SVIL: variants seen among roughly 807,000 people sequenced by gnomAD.
SVIL encodes the protein archvillin.
SVIL carries 101 observed loss-of-function variants against 240.4 expected under a neutral mutation model. That is an observed-to-expected ratio of 0.42 (90% CI 0.36 to 0.50). The LOEUF is 0.50. SVIL is among the 20% of genes least tolerant of loss of function. The pLI is 0.01. For missense variants in SVIL, 2,512 were observed against 2,818.7 expected (o/e 0.89, Z 2.46); for synonymous variants, 999 against 1,100.0 (o/e 0.91, Z 1.82).
Position 29,486,548 on chromosome 10 carries a change from G to C in SVIL, c.4495C>G (p.Leu1499Val). 1 of 1,614,144 alleles carries C rather than the reference G, an allele frequency of 6.2e-7. No individual in the cohort carries two copies. Among genetic ancestry groups the C allele is most frequent in the Non-Finnish European group, 8.5e-7 (1 of 1,180,042 alleles). ...CTCTTTGTCTGAATTAAAGTTGCAA[G>C]TTCTGAGGCCTAAAAAAGAGAGGAA... ...NVIEKAKASE[L>V]ATLIQTKREL... Residue 1499 changes from leucine (L) to valine (V), a missense_variant, in exon 25 of 38, where the codon CTT becomes GTT. Transcript: ENST00000355867.
intron 1 of SVIL, among the ~76,000 whole-genome samples, chr10:29,720,986 A>G (rs1963939148): frequency 6.6e-6 from 1 of 152,184 alleles, no homozygotes; most frequent in African/African-American, 2.4e-5. Flanking sequence ...AGCTGGGACT[A>G]CAGGCATGTG....
In SVIL at chr10:29,532,905, C is replaced by T; in HGVS notation, c.1462G>A (p.Glu488Lys). 6.2e-7 allele frequency: 1 copy of T among 1,614,150 alleles called. No individual in the cohort carries two copies. The highest frequency in any genetic ancestry group is 8.5e-7 in the Non-Finnish European group (1 of 1,180,028). Reference sequence around the variant, plus strand: ...ACGTTTTCCAGTTCCTTCTGATGCTCTAAGGTGACTGTGCTCACAGCAGGC... The same window carrying T: ...ACGTTTTCCAGTTCCTTCTGATGCTTTAAGGTGACTGTGCTCACAGCAGGC... ...GKPAVSTVTL[E>K]HQKELENVAQ... The change falls in exon 8 of 38, where the codon GAG (glutamate) becomes AAG (lysine). Residue 488 changes from glutamate to lysine, a missense_variant. Coordinates refer to ENST00000355867, the MANE Select transcript of SVIL (RefSeq NM_021738.3).
intron 1 of SVIL, among the ~76,000 whole-genome samples, chr10:29,595,956 G>A (rs1192809573): frequency 2.0e-5 from 3 of 152,166 alleles, no homozygotes; most frequent in African/African-American, 2.4e-5. Context: ...TCTGCAGGGC[G>A]AGCTTAGAGA....
chr10:29,538,510 C>T lies in SVIL; in HGVS notation c.828-2441G>A, dbSNP rs370997293. 5.9e-5 allele frequency among the ~76,000 whole-genome samples: 9 copies of T among 152,330 alleles called. No individual in the cohort carries two copies. In the East Asian group the frequency reaches 1.2e-3, roughly 20 times the overall value. On this transcript the variant is annotated intron_variant, in intron 6 of 37. Transcript: ENST00000355867. ...TGATAGGCATTCAGGAGAGCCTGTG[C>T]TTGGAATTGTGAATTCTGTTCTTCT...
chr10:29,524,366 T>C (rs1950754721), intron 14 of SVIL, 106 bp downstream of exon 14: 1 of 1,527,774 alleles, frequency 6.5e-7, no homozygotes, highest in East Asian at 2.3e-5. Context: ...GGTAGCAGTT[T>C]CCTGGTAGAG....
intron 16 of SVIL, among the ~76,000 whole-genome samples, chr10:29,519,040 T>TA (rs1281297331): frequency 6.6e-6 from 1 of 152,230 alleles, no homozygotes; most frequent in African/African-American, 2.4e-5. Context: ...CAGGCATTTA[T>TA]AAAAAACGAT....
intron 6 of SVIL, among the ~76,000 whole-genome samples, chr10:29,549,325 C>T (rs1694354813): frequency 2.2e-5 from 3 of 136,080 alleles, no homozygotes; most frequent in South Asian, 4.5e-4. Flanking sequence ...CAATGAGATA[C>T]CATCTCACAC....
intron 1 of SVIL, among the ~76,000 whole-genome samples, chr10:29,711,469 C>T (rs117733570): frequency 0.013 from 2,013 of 150,810 alleles, 28 homozygotes; most frequent in East Asian, 0.055. Flanking sequence ...GGTTCAAATG[C>T]GCCATGACTG....
In SVIL at chr10:29,550,714, G is replaced by A. The variant is rs373984281; in HGVS notation, c.710C>T (p.Ser237Phe). ...SSTFSFSGRD[S>F]SFTEVPRSPK... ...GGACCGTGGCACTTCAGTGAAGGAG[G>A]AGTCTCGCCCAGAGAAAGAGAAGGT... Residue 237 changes from serine (S) to phenylalanine (F), a missense_variant, in exon 6 of 38, where the codon TCC (serine) becomes TTC (phenylalanine). Ser to Phe is a radical substitution (Grantham distance 155). This residue lies in a region of SVIL where 1,443 missense variants were observed against 1,486.6 expected (regional missense o/e 0.97). Transcript: ENST00000355867. 2.5e-5 allele frequency: 40 copies of A among 1,614,052 alleles called. No individual in the cohort carries two copies. The highest frequency in any genetic ancestry group is 3.3e-5 in the Non-Finnish European group (39 of 1,180,040).
intron 1 of SVIL, among the ~76,000 whole-genome samples, chr10:29,598,227 G>A (rs1042956102): frequency 6.6e-6 from 1 of 152,260 alleles, no homozygotes; most frequent in Non-Finnish European, 1.5e-5. Context: ...CTGGGGGAAT[G>A]GGAAGTTTAA....
At chr10:29,550,574 C>G (rs757382837) in intron 6 of SVIL, 23 bp downstream of exon 6, 3 of 1,575,874 alleles carry the variant, frequency 1.9e-6, no homozygotes, top group African/African-American at 2.7e-5. Context: ...GTTCAGGGTG[C>G]TTAGCGTGGA....
intron 34 of SVIL, 101 bp downstream of exon 34, chr10:29,465,494 G>T: frequency 7.0e-7 from 1 of 1,420,606 alleles, no homozygotes; most frequent in Non-Finnish European, 9.4e-7. Flanking sequence ...GAATGTACTT[G>T]GCAAACAGAA....
chr10:29,588,588 A>G (rs1564676071), intron 1 of SVIL, among the ~76,000 whole-genome samples: 1 of 152,220 alleles, frequency 6.6e-6, no homozygotes, highest in South Asian at 2.1e-4. Context: ...TTCAGCATTT[A>G]CCAAACCAAA....
intron 3 of SVIL, among the ~76,000 whole-genome samples, chr10:29,556,283 G>A (rs1185320443): frequency 1.3e-5 from 2 of 152,222 alleles, no homozygotes; most frequent in South Asian, 2.1e-4. Flanking sequence ...GAGAAAGAGA[G>A]AGGGGTGGCT....
At chr10:29,474,730 A>T (rs7097877) in intron 29 of SVIL, among the ~76,000 whole-genome samples, 71,654 of 152,076 alleles carry the variant, frequency 0.47, 18,423 homozygotes, top group African/African-American at 0.67. Context: ...TGGCAAAAGA[A>T]TAGCTGGTAG....
At chr10:29,716,245 G>T (rs946122915) in intron 1 of SVIL, among the ~76,000 whole-genome samples, 12 of 151,948 alleles carry the variant, frequency 7.9e-5, no homozygotes, top group African/African-American at 2.9e-4. Context: ...ATCATAATTG[G>T]TAATTATATC....
At chr10:29,575,944 TA>T in intron 1 of SVIL, 1 of 225,722 alleles carries the variant, frequency 4.4e-6, no homozygotes, top group Non-Finnish European at 7.4e-6. Flanking sequence ...AATATTAGTA[TA>T]GTATTCTAAC....
intron 6 of SVIL, among the ~76,000 whole-genome samples, chr10:29,549,789 G>A (rs555565954): frequency 5.1e-5 from 7 of 137,280 alleles, no homozygotes; most frequent in Non-Finnish European, 9.3e-5. Flanking sequence ...ACCAAACACC[G>A]CATATTCTCA....
chr10:29,533,211 C>T lies in SVIL; in HGVS notation c.1156G>A (p.Glu386Lys). The T allele has an allele frequency of 1.9e-6, 3 of 1,614,152 alleles. No homozygotes were observed. The highest frequency in any genetic ancestry group is 2.5e-6 in the Non-Finnish European group (3 of 1,180,022). Residue 386 changes from glutamate to lysine, a missense_variant, in exon 8 of 38, where the codon GAA becomes AAA. By Grantham distance (56) the Glu-to-Lys change is moderately conservative. This residue lies in a region of SVIL where 1,443 missense variants were observed against 1,486.6 expected (regional missense o/e 0.97). Transcript: ENST00000355867. The part of the protein sequence containing the change: ...TAKLVTPETP[E>K]NASECSWVAS... ...ACCCAGCTACACTCAGATGCATTTT[C>T]TGGGGTTTCTGGCGTCACTAGCTTG... is the stretch of plus-strand genomic sequence containing the variant.
Sources: gnomAD v4.1 joint callset for allele counts (sites outside exome capture counted in the v4.1 genomes callset) on GRCh38, gnomAD v4.1.1 for gene constraint, gnomAD v4.1.1 regional missense constraint, MANE v1.5 for transcripts, NCBI Gene and HGNC (gene_info 2026-07-23, HGNC 2026-07-21) for gene names.